Variants in ZNF837 observed in about 807,000 individuals in gnomAD.
The protein encoded by ZNF837 is zinc finger protein 837.
For missense variants in ZNF837, 955 were observed against 801.7 expected (o/e 1.19, Z -2.31); for synonymous variants, 475 against 365.2 (o/e 1.30, Z -3.43).
In ZNF837 at chr19:58,368,020, T is replaced by C. The variant is rs2148013633; in HGVS notation, c.1313A>G (p.Gln438Arg). The change falls in exon 3 of 3, where the codon CAG becomes CGG. Residue 438 changes from glutamine (Q) to arginine (R), a missense_variant. By Grantham distance (43) the Gln-to-Arg change is conservative (BLOSUM62 1). Coordinates refer to ENST00000597582, the MANE Select transcript of ZNF837 (RefSeq NM_138466.2). ...FKGRSGLVQHQRAHTGERPYG... is the reference protein window; with the variant it reads ...FKGRSGLVQHRRAHTGERPYG... ...GGGCCGCTCGCCGGTGTGCGCGCGC[T>C]GGTGTTGCACCAGGCCCGAGCGGCC... is the stretch of plus-strand genomic sequence containing the variant. The C allele has an allele frequency of 2.6e-6, 4 of 1,529,200 alleles. No individual in the cohort carries two copies. The highest frequency in any genetic ancestry group is 2.5e-5 in the East Asian group (1 of 40,522). The allele number at this position is 1,529,200 out of a possible 1,614,324, so 94.7% of individuals were successfully genotyped here. A position where few individuals can be genotyped will look rare whatever the true frequency, so the allele number is the denominator to read the frequency against.
rs1298319208 is a variant in ZNF837 at position 58,367,997 on chromosome 19, G to A, written c.1336C>T (p.Pro446Ser). The change falls in exon 3 of 3, where the codon CCC (proline) becomes TCC (serine). Residue 446 changes from proline to serine, a missense_variant. Transcript: ENST00000597582. ...TTTCCGCACTCGGAGCAGCCATAGG[G>A]CCGCTCGCCGGTGTGCGCGCGCTGG... ...QHQRAHTGER[P>S]YGCSECGKTF... 3 of 1,532,630 alleles carry A rather than the reference G, an allele frequency of 2.0e-6. No homozygotes were observed. Among genetic ancestry groups the A allele is most frequent in the South Asian group, 1.2e-5 (1 of 83,802 alleles). 94.9% of individuals were successfully genotyped at this position (1,532,630 alleles called of 1,614,324 possible). A position where few individuals can be genotyped will look rare whatever the true frequency, so the allele number is the denominator to read the frequency against.
intron 1 of ZNF837, among the ~76,000 whole-genome samples, chr19:58,371,189 C>T (rs953810513): frequency 8.9e-5 from 13 of 146,766 alleles, no homozygotes; most frequent in Admixed American, 8.5e-4. Flanking sequence ...TGCAGTGAGC[C>T]GAGATCACGC....
chr19:58,376,800 C>T (rs2052251489), intron 1 of ZNF837, among the ~76,000 whole-genome samples: 2 of 151,956 alleles, frequency 1.3e-5, no homozygotes, highest in Admixed American at 6.6e-5. Context: ...GAAAACTTGG[C>T]TGGGTGTAGT....
In ZNF837 at chr19:58,373,623, AG is replaced by A. The variant is rs1441156018; in HGVS notation, c.-139-3696del. Among the ~76,000 whole-genome samples the A allele has an allele frequency of 5.9e-5, 9 of 152,332 alleles. No homozygotes were observed. In the East Asian group the frequency reaches 1.7e-3, roughly 29 times the overall value. On this transcript the variant is annotated intron_variant, in intron 1 of 2. Coordinates refer to ENST00000597582, the MANE Select transcript of ZNF837 (RefSeq NM_138466.2). The stretch of plus-strand genomic sequence containing the variant: ...CTCTCTTTCTGTCCCTTCTGCCCTC[AG>A]GTCTTGACCATGCAGCTTCCCAAGA...
At chr19:58,375,785 C>G (rs1339141911) in intron 1 of ZNF837, among the ~76,000 whole-genome samples, 2 of 151,204 alleles carry the variant, frequency 1.3e-5, no homozygotes, top group Non-Finnish European at 2.9e-5. Flanking sequence ...CAGAATGCAC[C>G]CATGCCACAG....
chr19:58,380,186 A>G (rs961657988), intron 1 of ZNF837, among the ~76,000 whole-genome samples: 1 of 152,178 alleles, frequency 6.6e-6, no homozygotes, highest in African/African-American at 2.4e-5. Flanking sequence ...CCAATTCTAC[A>G]CTGTGCACGC....
At chr19:58,376,917 TA>T (rs34562043) in intron 1 of ZNF837, among the ~76,000 whole-genome samples, 70,055 of 138,738 alleles carry the variant, frequency 0.5, 17,093 homozygotes, top group Middle Eastern at 0.56. Context: ...CTGTCTCTAT[TA>T]AAAAAAAAAA....
At chr19:58,376,293 C>T (rs1320941077) in intron 1 of ZNF837, among the ~76,000 whole-genome samples, 1 of 152,048 alleles carries the variant, frequency 6.6e-6, no homozygotes, top group Non-Finnish European at 1.5e-5. Context: ...TGGCTCACGC[C>T]TGTAATTCCA....
chr19:58,375,129 GGC>G (rs1908033336), intron 1 of ZNF837, among the ~76,000 whole-genome samples: 1 of 144,548 alleles, frequency 6.9e-6, no homozygotes, highest in African/African-American at 2.6e-5. Context: ...TGTGGTGGCA[GGC>G]GCCTGTAGTC....
intron 1 of ZNF837, among the ~76,000 whole-genome samples, chr19:58,375,311 T>TAA (rs199602238): frequency 4.9e-5 from 2 of 41,066 alleles, no homozygotes; most frequent in African/African-American, 1.1e-4. Flanking sequence ...TATATATATA[T>TAA]AAAATTACAT....
chr19:58,377,085 C>T (rs949472883), intron 1 of ZNF837, among the ~76,000 whole-genome samples: 1 of 150,484 alleles, frequency 6.6e-6, no homozygotes, highest in Non-Finnish European at 1.5e-5. Context: ...GGCGAGGTGG[C>T]GCGCACCTGT....
chr19:58,371,808 G>A (rs2052204518), intron 1 of ZNF837, among the ~76,000 whole-genome samples: 1 of 152,082 alleles, frequency 6.6e-6, no homozygotes, highest in South Asian at 2.1e-4. Flanking sequence ...TGCAACCTCC[G>A]CCTGCTGGGT....
chr19:58,375,278 A>ATATATATATATG, intron 1 of ZNF837, among the ~76,000 whole-genome samples: 1 of 38,700 alleles, frequency 2.6e-5, no homozygotes, highest in African/African-American at 7.0e-5. Flanking sequence ...AAGTATATAT[A>ATATATATATATG]TATATATATA....
At chr19:58,376,386 A>G (rs1018273182) in intron 1 of ZNF837, among the ~76,000 whole-genome samples, 5 of 151,064 alleles carry the variant, frequency 3.3e-5, no homozygotes, top group Non-Finnish European at 7.4e-5. Flanking sequence ...CCCCATCTCT[A>G]CTAAAAAAAA....
intron 1 of ZNF837, among the ~76,000 whole-genome samples, chr19:58,370,721 C>T (rs913691618): frequency 1.3e-5 from 2 of 151,336 alleles, no homozygotes; most frequent in African/African-American, 2.4e-5. Context: ...CATAGAGAAA[C>T]CCCGTCTCTA....
chr19:58,372,491 C>T (rs1393454729), intron 1 of ZNF837, among the ~76,000 whole-genome samples: 4 of 152,186 alleles, frequency 2.6e-5, no homozygotes, highest in African/African-American at 4.8e-5. Context: ...CATGGTGAGA[C>T]GTCCTTGACC....
At chr19:58,372,949 T>G (rs2052214382) in intron 1 of ZNF837, among the ~76,000 whole-genome samples, 1 of 152,186 alleles carries the variant, frequency 6.6e-6, no homozygotes, top group Non-Finnish European at 1.5e-5. Context: ...TGCCAAGGGT[T>G]CAGCAAGTAC....
chr19:58,368,565 C>T lies in ZNF837; in HGVS notation c.768G>A (p.Ser256=), dbSNP rs971726479. 18 of 1,536,046 alleles carry T rather than the reference C, an allele frequency of 1.2e-5. No homozygotes were observed. Among genetic ancestry groups the T allele is most frequent in the Non-Finnish European group, 1.5e-5 (17 of 1,143,756 alleles). Residue 256 remains serine (S), a synonymous_variant, in exon 3 of 3, where the codon TCG becomes TCA. Coordinates refer to ENST00000597582, the MANE Select transcript of ZNF837 (RefSeq NM_138466.2). The part of the protein sequence containing the change: ...PPVCPECGQT[S]RPRPIVPDPP... ...GGTCGGGGACAATAGGGCGAGGTCGCGAGGTTTGGCCGCACTCAGGACACA... is the reference window on the plus strand; with the variant it reads ...GGTCGGGGACAATAGGGCGAGGTCGTGAGGTTTGGCCGCACTCAGGACACA...
At position 58,368,384 on chromosome 19, in the gene ZNF837, G is replaced by A; in HGVS notation, c.949C>T (p.His317Tyr). 1 of 1,537,220 alleles carries A rather than the reference G, an allele frequency of 6.5e-7. No homozygotes were observed. The highest frequency in any genetic ancestry group is 1.2e-5 in the South Asian group (1 of 83,772). ...AFVRCSGLYR[H>Y]QKTHSAERHR... ...CGCTCGGCCGAGTGCGTCTTCTGGT[G>A]GCGGTACAGGCCGGAGCAGCGCACG... is the stretch of plus-strand genomic sequence containing the variant. Residue 317 changes from histidine (H) to tyrosine (Y), a missense_variant, in exon 3 of 3, where the codon CAC becomes TAC. Physicochemically the swap from His to Tyr is moderately conservative, Grantham distance 83 (BLOSUM62 2). Transcript: ENST00000597582.
Sources: gnomAD v4.1 joint callset for allele counts (sites outside exome capture counted in the v4.1 genomes callset) on GRCh38, gnomAD v4.1.1 for gene constraint, MANE v1.5 for transcripts, NCBI Gene and HGNC (gene_info 2026-07-23, HGNC 2026-07-21) for gene names.